The following KCNJ6 variants were observed in gnomAD, a reference collection of about 807,000 sequenced individuals.
KCNJ6 encodes the protein potassium inwardly rectifying channel subfamily J member 6.
In KCNJ6, 9 loss-of-function variants were observed where a neutral mutation model predicts 34.2. The ratio of observed to expected loss-of-function variants is 0.26; its 90% CI spans 0.16 to 0.46. The LOEUF (loss-of-function observed/expected upper bound fraction) is 0.46, where lower values mean the gene tolerates loss of function less well. Among genes scored for constraint, KCNJ6 ranks in the 20% least tolerant of loss-of-function variants. The pLI, the probability that KCNJ6 is intolerant of heterozygous loss-of-function variation, is 1.00. For synonymous variants in KCNJ6, 196 were observed against 207.1 expected (o/e 0.95, Z 0.46); for missense variants, 236 against 531.3 (o/e 0.44, Z 5.46).
Position 37,816,904 on chromosome 21 carries a change from T to C in KCNJ6, c.25+23754A>G, listed in dbSNP as rs79356876. 6.9e-3 allele frequency among the ~76,000 whole-genome samples: 1,046 copies of C among 152,280 alleles called. 7 individuals carry two copies. The highest frequency in any genetic ancestry group is 0.023 in the African/African-American group (959 of 41,554). On this transcript the variant is annotated intron_variant, in intron 2 of 3. Transcript: ENST00000609713. ...AGACAACTGCCCTGAATCCAAGAGATAATGCTCTGACCCTGGCCACATTTG... is the reference window on the plus strand; with the variant it reads ...AGACAACTGCCCTGAATCCAAGAGACAATGCTCTGACCCTGGCCACATTTG...
At chr21:37,751,593 T>C (rs139069847) in intron 2 of KCNJ6, among the ~76,000 whole-genome samples, 1 of 152,252 alleles carries the variant, frequency 6.6e-6, no homozygotes, top group Non-Finnish European at 1.5e-5. Flanking sequence ...AACTCAGTTG[T>C]CCCGGGATGC....
chr21:37,714,096 GTTGTCAATA>G lies in KCNJ6; in HGVS notation c.946+106_946+114del. On this transcript the variant is annotated intron_variant, in intron 3 of 3. Transcript: ENST00000609713. This position sits in a 1 kb window ranked among gnomAD's most constrained non-coding sequence, Gnocchi z 5.9. ...ATACTATGTCATGAAGCAAGGGGAT[GTTGTCAATA>G]TTGAGTGAGGTTCAGTATTCTAGAT... 1.3e-6 allele frequency: 1 copy of G among 760,960 alleles called. No homozygotes were observed. The highest frequency in any genetic ancestry group is 2.2e-6 in the Non-Finnish European group (1 of 450,726). 47.1% of individuals were successfully genotyped at this position (760,960 alleles called of 1,614,324 possible). A position where few individuals can be genotyped will look rare whatever the true frequency, so the allele number is the denominator to read the frequency against.
intron 3 of KCNJ6, among the ~76,000 whole-genome samples, chr21:37,626,241 C>T (rs1569432131): frequency 6.6e-6 from 1 of 151,958 alleles, no homozygotes; most frequent in Non-Finnish European, 1.5e-5. Flanking sequence ...AGCAATTCTC[C>T]TGTCTCAGAC....
At chr21:37,649,840 C>T (rs1411227393) in intron 3 of KCNJ6, among the ~76,000 whole-genome samples, 2 of 152,192 alleles carry the variant, frequency 1.3e-5, no homozygotes, top group Admixed American at 6.5e-5. Context: ...GCAAACTCCG[C>T]CTCCCAGGTT....
chr21:37,885,974 C>T lies in KCNJ6; in HGVS notation c.-28+29910G>A, dbSNP rs533638103. ...TTTATTAACACATGGCATCACCAGG[C>T]TCATGAATTGCACCAAGGAGTCCTG... On this transcript the variant is annotated intron_variant, in intron 1 of 3. Transcript: ENST00000609713. 1.4e-4 allele frequency among the ~76,000 whole-genome samples: 22 copies of T among 152,190 alleles called. No individual in the cohort carries two copies. The East Asian group carries it at 4.3e-3, about 29-fold the overall frequency.
intron 3 of KCNJ6, among the ~76,000 whole-genome samples, chr21:37,655,807 G>A (rs1413258130): frequency 1.3e-5 from 2 of 152,204 alleles, no homozygotes; most frequent in African/African-American, 2.4e-5. Flanking sequence ...TGGGGCAGAA[G>A]AGGAGCAAGA....
chr21:37,782,962 A>G (rs914685686), intron 2 of KCNJ6, among the ~76,000 whole-genome samples: 2 of 152,172 alleles, frequency 1.3e-5, no homozygotes, highest in Non-Finnish European at 2.9e-5. Flanking sequence ...TTAGTCCCCA[A>G]ACATTTTAAT....
intron 2 of KCNJ6, among the ~76,000 whole-genome samples, chr21:37,816,630 C>T (rs115329063): frequency 7.7e-4 from 117 of 152,288 alleles, no homozygotes; most frequent in African/African-American, 2.7e-3. Context: ...GGGCGATTGG[C>T]GGAGGGGGCA....
chr21:37,803,600 C>G (rs1480081202), intron 2 of KCNJ6, among the ~76,000 whole-genome samples: 1 of 152,170 alleles, frequency 6.6e-6, no homozygotes, highest in African/African-American at 2.4e-5. Context: ...GCAGACGTCA[C>G]CACTGTCACT....
In KCNJ6 at chr21:37,853,846, G is replaced by GTGTATATATATA. The variant is rs71198897; in HGVS notation, c.-27-13138_-27-13137insTATATATATACA. On this transcript the variant is annotated intron_variant, in intron 1 of 3. Transcript: ENST00000609713. ...GTAGTTAAGAGATACATATATATAT[G>GTGTATATATATA]TATATATATATATATAAATTACATT... 7.5e-4 allele frequency among the ~76,000 whole-genome samples: 87 copies of GTGTATATATATA among 115,948 alleles called. 3 individuals carry two copies. Among genetic ancestry groups the GTGTATATATATA allele is most frequent in the Admixed American group, 4.0e-3 (46 of 11,458 alleles). 76.1% of individuals were successfully genotyped at this position (115,948 alleles called of 152,430 possible).
intron 2 of KCNJ6, among the ~76,000 whole-genome samples, chr21:37,794,542 G>T (rs183943830): frequency 6.6e-6 from 1 of 152,170 alleles, no homozygotes; most frequent in South Asian, 2.1e-4. Context: ...TTTCAACAAC[G>T]TATTTATTTT....
rs755704122 is a variant in KCNJ6, at chr21:37,621,345, T to C, written c.*3814A>G. 6.6e-6 allele frequency: 1 copy of C among 152,240 alleles called. No individual in the cohort carries two copies. Among genetic ancestry groups the C allele is most frequent in the African/African-American group, 2.4e-5 (1 of 41,466 alleles). The allele number at this position is 152,240 out of a possible 1,614,324, so 9.4% of individuals were successfully genotyped here. A position where few individuals can be genotyped will look rare whatever the true frequency, so the allele number is the denominator to read the frequency against. ...CTGGTGAGTTCAGGTAGTTTTCTAA[T>C]AGCATTCTTATGCCCCCTTTCTCTG... On this transcript the variant is annotated 3_prime_UTR_variant, in exon 4 of 4. Transcript: ENST00000609713.
chr21:37,676,231 G>A (rs1342256677), intron 3 of KCNJ6, among the ~76,000 whole-genome samples: 1 of 152,216 alleles, frequency 6.6e-6, no homozygotes, highest in Non-Finnish European at 1.5e-5. Context: ...GTCAGCGGTG[G>A]AGAGGAAGGG....
chr21:37,899,104 C>T (rs1330865143), intron 1 of KCNJ6, among the ~76,000 whole-genome samples: 1 of 152,142 alleles, frequency 6.6e-6, no homozygotes, highest in Non-Finnish European at 1.5e-5. Flanking sequence ...AATAAGTATA[C>T]TTTTCTCAAG....
chr21:37,743,792 CAG>C, intron 2 of KCNJ6, among the ~76,000 whole-genome samples: 1 of 151,898 alleles, frequency 6.6e-6, no homozygotes, highest in Non-Finnish European at 1.5e-5. Context: ...CAGTACTAGA[CAG>C]AGATACAAAC....
At chr21:37,822,553 G>A (rs528686063) in intron 2 of KCNJ6, among the ~76,000 whole-genome samples, 5 of 152,300 alleles carry the variant, frequency 3.3e-5, no homozygotes, top group African/African-American at 7.2e-5. Flanking sequence ...CAAAAGAAAC[G>A]CCTTCTGTGT....
intron 2 of KCNJ6, among the ~76,000 whole-genome samples, chr21:37,834,776 T>C (rs2123571801): frequency 6.6e-6 from 1 of 152,368 alleles, no homozygotes; most frequent in Non-Finnish European, 1.5e-5. Flanking sequence ...ATTCCCTCTA[T>C]ATCAAAGCAG....
chr21:37,613,631 AAATGCATGTTACTAAGTGAAATAAGCC>A lies in KCNJ6; in HGVS notation c.*11501_*11527del, dbSNP rs1872518438. The A allele has an allele frequency of 6.6e-6, 1 of 152,248 alleles. No homozygotes were observed. 9.4% of individuals were successfully genotyped at this position (152,248 alleles called of 1,614,324 possible). The stretch of plus-strand genomic sequence containing the variant: ...CCATAAAAAGATATGAGGGAAACTT[AAATGCATGTTACTAAGTGAAATAAGCC>A]AATTTTATAAGGCTGCGTACTGCAT... On this transcript the variant is annotated 3_prime_UTR_variant, in exon 4 of 4. Coordinates refer to ENST00000609713, the MANE Select transcript of KCNJ6 (RefSeq NM_002240.5).
intron 3 of KCNJ6, among the ~76,000 whole-genome samples, chr21:37,699,549 G>T (rs2054679962): frequency 6.6e-6 from 1 of 152,200 alleles, no homozygotes; most frequent in Non-Finnish European, 1.5e-5. Flanking sequence ...ATTTGCCAGG[G>T]AAATCGGATA....
Sources: gnomAD v4.1 joint callset for allele counts (sites outside exome capture counted in the v4.1 genomes callset) on GRCh38, gnomAD v4.1.1 for gene constraint, Gnocchi (gnomAD v3.1) non-coding constraint, MANE v1.5 for transcripts, NCBI Gene and HGNC (gene_info 2026-07-23, HGNC 2026-07-21) for gene names.